Variants in CNTNAP2 observed in about 807,000 individuals in gnomAD.
CNTNAP2 encodes contactin-associated protein-like 2.
CNTNAP2 carries 98 observed loss-of-function variants against 155.2 expected under a neutral mutation model. The observed-to-expected ratio is 0.63, with a 90% CI of 0.54 to 0.75. The LOEUF (loss-of-function observed/expected upper bound fraction) is 0.75, where lower values mean the gene tolerates loss of function less well. CNTNAP2 is among the 30% of genes least tolerant of loss of function. The pLI is 0.00. For synonymous variants in CNTNAP2, 651 were observed against 631.2 expected (o/e 1.03, Z -0.47); for missense variants, 1,727 against 1,688.1 (o/e 1.02, Z -0.40).
intron 4 of CNTNAP2, among the ~76,000 whole-genome samples, chr7:147,084,507 T>C (rs995336442): frequency 7.0e-6 from 1 of 142,472 alleles, no homozygotes; most frequent in Admixed American, 7.4e-5. Flanking sequence ...TTATAAATGC[T>C]CTATATTGTA....
chr7:148,374,454 G>A (rs1487492247), intron 21 of CNTNAP2, among the ~76,000 whole-genome samples: 2 of 152,028 alleles, frequency 1.3e-5, no homozygotes, highest in Non-Finnish European at 2.9e-5. Context: ...TTCTCCTGCT[G>A]TCCAGAGTTA....
chr7:147,571,578 G>A (rs539584891), intron 12 of CNTNAP2, among the ~76,000 whole-genome samples: 1 of 152,086 alleles, frequency 6.6e-6, no homozygotes, highest in East Asian at 1.9e-4. Flanking sequence ...TATGCAACAG[G>A]ATTGAATGGA....
At chr7:147,507,156 C>T (rs1239191593) in intron 11 of CNTNAP2, among the ~76,000 whole-genome samples, 1 of 152,180 alleles carries the variant, frequency 6.6e-6, no homozygotes, top group East Asian at 1.9e-4. Flanking sequence ...TCTCCCCGCT[C>T]TGCTTCCTTC....
intron 1 of CNTNAP2, among the ~76,000 whole-genome samples, chr7:146,520,072 A>G (rs1010157948): frequency 3.3e-5 from 5 of 151,584 alleles, no homozygotes; most frequent in African/African-American, 9.7e-5. Context: ...ACTTTCCCCA[A>G]TAATTAGCCT....
chr7:147,842,150 T>C (rs1316534860), intron 13 of CNTNAP2, among the ~76,000 whole-genome samples: 5 of 152,228 alleles, frequency 3.3e-5, no homozygotes, highest in East Asian at 1.9e-4. Flanking sequence ...AAAAACTAGA[T>C]ACATGATTAT....
intron 21 of CNTNAP2, among the ~76,000 whole-genome samples, chr7:148,304,818 T>G (rs1797459602): frequency 6.6e-6 from 1 of 152,166 alleles, no homozygotes; most frequent in African/African-American, 2.4e-5. Flanking sequence ...CCTCCATGTT[T>G]TTCCTTTACC....
chr7:147,307,143 C>G (rs753049681), intron 9 of CNTNAP2, among the ~76,000 whole-genome samples: 1 of 152,110 alleles, frequency 6.6e-6, no homozygotes, highest in Non-Finnish European at 1.5e-5. Flanking sequence ...GAGTTGTTTA[C>G]GCTAAAACAA....
chr7:146,514,749 G>A (rs551195044), intron 1 of CNTNAP2, among the ~76,000 whole-genome samples: 4 of 151,698 alleles, frequency 2.6e-5, no homozygotes, highest in African/African-American at 4.8e-5. Context: ...AGGTGGCCAC[G>A]GTTGTGTTGT....
intron 3 of CNTNAP2, among the ~76,000 whole-genome samples, chr7:147,041,571 G>GAATTTGCCT (rs1799260283): frequency 6.8e-6 from 1 of 147,428 alleles, no homozygotes; most frequent in Non-Finnish European, 1.5e-5. Context: ...TAACTCTGTA[G>GAATTTGCCT]AATTTGCCTG....
At chr7:148,328,415 C>G (rs922102932) in intron 21 of CNTNAP2, among the ~76,000 whole-genome samples, 1 of 152,168 alleles carries the variant, frequency 6.6e-6, no homozygotes, top group Non-Finnish European at 1.5e-5. Flanking sequence ...TTGGGGCCAG[C>G]TTCCTGGAAT....
chr7:146,124,765 C>T (rs532433779), intron 1 of CNTNAP2, among the ~76,000 whole-genome samples: 33 of 152,102 alleles, frequency 2.2e-4, no homozygotes, highest in African/African-American at 7.2e-4. Context: ...AAACATGATT[C>T]GGGTGTTTTT....
chr7:147,808,998 G>A (rs551803310), intron 13 of CNTNAP2, among the ~76,000 whole-genome samples: 2 of 152,250 alleles, frequency 1.3e-5, no homozygotes, highest in South Asian at 4.1e-4. Context: ...CAGGGATCTG[G>A]GAAGAATGGT....
At chr7:146,769,503 G>A (rs1802256666) in intron 1 of CNTNAP2, among the ~76,000 whole-genome samples, 1 of 152,160 alleles carries the variant, frequency 6.6e-6, no homozygotes, top group Admixed American at 6.6e-5. Context: ...GTGCTTGCAT[G>A]GAGTGCTGCT....
chr7:147,538,135 A>G (rs547604444), intron 11 of CNTNAP2, among the ~76,000 whole-genome samples: 1 of 152,222 alleles, frequency 6.6e-6, no homozygotes, highest in Non-Finnish European at 1.5e-5. Flanking sequence ...CAAATTTAAG[A>G]CAGAAGAAAC....
intron 10 of CNTNAP2, among the ~76,000 whole-genome samples, chr7:147,471,830 A>C (rs1279727850): frequency 6.6e-6 from 1 of 152,234 alleles, no homozygotes; most frequent in Non-Finnish European, 1.5e-5. Context: ...TATAGAACTA[A>C]AAAGTTTGAT....
chr7:148,057,265 A>C (rs1273690106), intron 15 of CNTNAP2, among the ~76,000 whole-genome samples: 4 of 152,214 alleles, frequency 2.6e-5, no homozygotes, highest in Non-Finnish European at 4.4e-5. Flanking sequence ...AGCCAGGTAT[A>C]CAAGTAGCCG....
chr7:146,190,327 A>C (rs1798684714), intron 1 of CNTNAP2, among the ~76,000 whole-genome samples: 1 of 149,770 alleles, frequency 6.7e-6, no homozygotes, highest in African/African-American at 2.4e-5. Context: ...CAATATCAGC[A>C]CTGTCGTTGA....
chr7:148,346,271 GT>G (rs1298643441), intron 21 of CNTNAP2, among the ~76,000 whole-genome samples: 1 of 152,026 alleles, frequency 6.6e-6, no homozygotes, highest in Non-Finnish European at 1.5e-5. Context: ...CCCGCTTTCT[GT>G]TTTCTACACT....
chr7:146,519,197 G>T (rs1797582187), intron 1 of CNTNAP2, among the ~76,000 whole-genome samples: 1 of 151,762 alleles, frequency 6.6e-6, no homozygotes, highest in South Asian at 2.1e-4. Flanking sequence ...AGTTTGCTGT[G>T]AATTCTAAAT....
Sources: allele counts gnomAD v4.1 joint callset (sites outside exome capture counted in the v4.1 genomes callset), GRCh38; gene constraint gnomAD v4.1.1; transcripts MANE v1.5; gene names NCBI Gene and HGNC (gene_info 2026-07-23, HGNC 2026-07-21).